NUP210L: variants seen among roughly 807,000 people sequenced by gnomAD.
The protein encoded by NUP210L is nucleoporin 210 like.
In NUP210L, 74 loss-of-function variants were observed where a neutral mutation model predicts 208.5. The observed-to-expected ratio is 0.35, with a 90% CI of 0.29 to 0.43. NUP210L has a LOEUF of 0.43. NUP210L is among the 20% of genes least tolerant of loss of function. NUP210L has a pLI of 1.00. For synonymous variants in NUP210L, 780 were observed against 816.9 expected (o/e 0.95, Z 0.77); for missense variants, 1,843 against 2,289.4 (o/e 0.81, Z 3.98).
At chr1:154,046,334 A>G (rs776630770) in exon 26 of NUP210L, 2 of 1,614,186 alleles carry the variant, frequency 1.2e-6, no homozygotes, top group African/African-American at 2.7e-5. Flanking sequence ...GGATCCTAAC[A>G]GCCCTTAGCT....
intron 11 of NUP210L, among the ~76,000 whole-genome samples, chr1:154,118,310 A>C (rs1266972532): frequency 6.6e-6 from 1 of 152,116 alleles, no homozygotes; most frequent in Non-Finnish European, 1.5e-5. Context: ...ACTCTGTCTC[A>C]GAAAAAAAAA....
rs534275926 is a variant in NUP210L at position 154,108,744 on chromosome 1, T to A, written c.1621-4534A>T. On this transcript the variant is annotated intron_variant, in intron 12 of 39. Transcript: ENST00000368559. ...GCAGGAGTAAGTTCTTATTTATCAA[T>A]AATAACATTGAATTTAAATGGACAA... Among the ~76,000 whole-genome samples the A allele has an allele frequency of 1.7e-4, 26 of 151,768 alleles. 1 individual carries two copies. Among genetic ancestry groups the A allele is most frequent in the African/African-American group, 6.1e-4 (25 of 41,070 alleles).
At chr1:154,104,295 C>T in intron 12 of NUP210L, 85 bp from the exon 13 acceptor site, 1 of 1,021,382 alleles carries the variant, frequency 9.8e-7, no homozygotes. Flanking sequence ...CAAATAGAAC[C>T]CTCCAGTGAT....
At chr1:154,041,686 A>C (rs1055044041) in intron 27 of NUP210L, among the ~76,000 whole-genome samples, 1 of 152,236 alleles carries the variant, frequency 6.6e-6, no homozygotes, top group Non-Finnish European at 1.5e-5. Context: ...CTGGCTGACC[A>C]TCTTCCCACT....
intron 2 of NUP210L, among the ~76,000 whole-genome samples, chr1:154,150,178 G>A (rs905489632): frequency 1.3e-5 from 2 of 150,396 alleles, no homozygotes; most frequent in African/African-American, 4.9e-5. Context: ...AGTTCGAGAT[G>A]AGCCTGACCA....
At position 154,152,104 on chromosome 1, in the gene NUP210L, A is replaced by AG. The variant is rs1553244666; in HGVS notation, c.340+631_340+632insC. Among the ~76,000 whole-genome samples, 319 of 119,882 alleles carry AG rather than the reference A, an allele frequency of 2.7e-3. 2 individuals carry two copies. The highest frequency in any genetic ancestry group is 3.7e-3 in the Non-Finnish European group (225 of 61,146). The allele number at this position is 119,882 out of a possible 152,430, so 78.6% of individuals were successfully genotyped here. On this transcript the variant is annotated intron_variant, in intron 2 of 39. Coordinates refer to ENST00000368559, the Ensembl canonical transcript of NUP210L. ...AAACTCCGTCTCAAAAAAAAAAAAA[A>AG]AAAGAAAGAAAGAAAGAAAAAATGA...
chr1:154,125,728 A>G (rs1267271420), intron 10 of NUP210L, among the ~76,000 whole-genome samples: 1 of 52,272 alleles, frequency 1.9e-5, no homozygotes, highest in Non-Finnish European at 3.9e-5. Flanking sequence ...GAAGGAAGGA[A>G]GGAAGGAAGG....
chr1:154,082,230 G>A (rs1462343451), intron 16 of NUP210L, among the ~76,000 whole-genome samples: 1 of 152,172 alleles, frequency 6.6e-6, no homozygotes, highest in East Asian at 1.9e-4. Flanking sequence ...TAGCCTGTGA[G>A]TCCCCCCATT....
chr1:154,009,954 T>G lies in NUP210L; in HGVS notation c.4930+18A>C, dbSNP rs867549924. The G allele has an allele frequency of 2.5e-6, 4 of 1,586,292 alleles. No individual in the cohort carries two copies. Among genetic ancestry groups the G allele is most frequent in the Middle Eastern group, 1.7e-4 (1 of 5,936 alleles). ...GATAAACAGAATGGGGAAACCAGAT[T>G]CAACTGGTGTAACTTACCTTTCTCC... On this transcript the variant is annotated intron_variant, in intron 35 of 39. Coordinates refer to ENST00000368559, the Ensembl canonical transcript of NUP210L.
rs553188982 is a variant in NUP210L at position 154,120,630 on chromosome 1, T to TA, written c.1327-1823dup. Reference sequence around the variant, plus strand: ...ACCCTAGAACTTAAAGTATAATAATTAAAAAAAAAAAAAAAAAGAAATGCA... The same window carrying TA: ...ACCCTAGAACTTAAAGTATAATAATTAAAAAAAAAAAAAAAAAAGAAATGCA... On this transcript the variant is annotated intron_variant, in intron 10 of 39. Coordinates refer to ENST00000368559, the Ensembl canonical transcript of NUP210L. 5.0e-3 allele frequency among the ~76,000 whole-genome samples: 584 copies of TA among 117,874 alleles called. 5 individuals carry two copies. The highest frequency in any genetic ancestry group is 0.015 in the East Asian group (64 of 4,272). 77.3% of individuals were successfully genotyped at this position (117,874 alleles called of 152,430 possible).
chr1:154,000,565 G>A (rs1650152543), intron 37 of NUP210L, among the ~76,000 whole-genome samples: 1 of 152,196 alleles, frequency 6.6e-6, no homozygotes, highest in Non-Finnish European at 1.5e-5. Flanking sequence ...TTTGATAGCA[G>A]AGACTGCTAC....
At chr1:154,119,353 C>T (rs569080132) in intron 10 of NUP210L, among the ~76,000 whole-genome samples, 4 of 151,976 alleles carry the variant, frequency 2.6e-5, no homozygotes, top group East Asian at 3.9e-4. Flanking sequence ...TTTGGGAGGA[C>T]GAGGTGGGTG....
At chr1:154,152,764 G>A in exon 2 of NUP210L, 1 of 1,614,052 alleles carries the variant, frequency 6.2e-7, no homozygotes, top group Non-Finnish European at 8.5e-7. Flanking sequence ...TAATACTGCT[G>A]AGGCGTATCG....
chr1:154,034,456 G>A (rs1652422077), intron 27 of NUP210L, among the ~76,000 whole-genome samples: 1 of 152,046 alleles, frequency 6.6e-6, no homozygotes, highest in Non-Finnish European at 1.5e-5. Context: ...AGCCTCCCGA[G>A]TAGCTGGAAT....
At chr1:154,061,730 G>A (rs895541562) in intron 17 of NUP210L, 56 bp from the exon 18 acceptor site, 1 of 1,114,042 alleles carries the variant, frequency 9.0e-7, no homozygotes, top group African/African-American at 1.6e-5. Context: ...GAATACGCAA[G>A]TGTTTCTAGA....
At chr1:154,134,630 G>C (rs1402076993) in intron 7 of NUP210L, among the ~76,000 whole-genome samples, 3 of 148,948 alleles carry the variant, frequency 2.0e-5, no homozygotes, top group South Asian at 4.3e-4. Context: ...CCAGCTACTC[G>C]GGAGGCTGAG....
chr1:154,108,094 A>C, intron 12 of NUP210L, among the ~76,000 whole-genome samples: 1 of 152,320 alleles, frequency 6.6e-6, no homozygotes, highest in Admixed American at 6.5e-5. Flanking sequence ...AGACAGTATA[A>C]GATATAAATA....
intron 2 of NUP210L, among the ~76,000 whole-genome samples, chr1:154,144,423 A>T (rs562625671): frequency 7.9e-5 from 12 of 152,022 alleles, no homozygotes; most frequent in African/African-American, 2.7e-4. Context: ...TCTTTCAGTT[A>T]TTTTTTCTTG....
At chr1:154,123,079 A>C (rs969166201) in intron 10 of NUP210L, among the ~76,000 whole-genome samples, 3 of 151,592 alleles carry the variant, frequency 2.0e-5, no homozygotes, top group African/African-American at 7.2e-5. Context: ...ACCACAAAAA[A>C]CTACTAGAGC....
Sources: allele counts gnomAD v4.1 joint callset (sites outside exome capture counted in the v4.1 genomes callset), GRCh38; gene constraint gnomAD v4.1.1; transcripts MANE v1.5; gene names NCBI Gene and HGNC (gene_info 2026-07-23, HGNC 2026-07-21).